The following GALNT13 variants were observed in gnomAD, a reference collection of about 807,000 sequenced individuals.
The protein encoded by GALNT13 is polypeptide N-acetylgalactosaminyltransferase 13, also known as UDP-GalNAc:polypeptide N-acetylgalactosaminyltransferase 13.
GALNT13 carries 28 observed loss-of-function variants against 64.2 expected under a neutral mutation model. The observed-to-expected ratio is 0.44, with a 90% confidence interval of 0.32 to 0.60. The LOEUF is 0.60. Among genes scored for constraint, GALNT13 ranks in the 20% least tolerant of loss-of-function variants. The probability of loss-of-function intolerance (pLI) is 0.05; values close to 1 mark genes in which losing one functional copy is unlikely to be tolerated. For missense variants in GALNT13, 577 were observed against 669.8 expected (o/e 0.86, Z 1.53); for synonymous variants, 214 against 224.6 (o/e 0.95, Z 0.42).
the GALNT13 span, chr2:153,354,327 A>G: frequency 1.5e-4 from 23 of 152,332 alleles, no homozygotes; most frequent in African/African-American, 5.1e-4. Flanking sequence ...TATACTCACT[A>G]TAATGACCTG....
At chr2:154,019,770 A>G (rs2105273016) in intron 3 of GALNT13, among the ~76,000 whole-genome samples, 1 of 152,092 alleles carries the variant, frequency 6.6e-6, no homozygotes, top group African/African-American at 2.4e-5. Flanking sequence ...TTACATATGT[A>G]TACATGTGCC....
the GALNT13 span, among the ~76,000 whole-genome samples, chr2:153,222,927 G>A: frequency 6.6e-6 from 1 of 152,100 alleles, no homozygotes; most frequent in Non-Finnish European, 1.5e-5. Context: ...CTGGGAAACT[G>A]CAGCTGCGCG....
intron 8 of GALNT13, among the ~76,000 whole-genome samples, chr2:154,296,255 A>C (rs1045870235): frequency 1.3e-5 from 2 of 152,142 alleles, no homozygotes; most frequent in East Asian, 1.9e-4. Context: ...AATAAACCCC[A>C]ACCATAGCTT....
the GALNT13 span, among the ~76,000 whole-genome samples, chr2:153,341,436 A>G: frequency 6.6e-6 from 1 of 152,208 alleles, no homozygotes; most frequent in African/African-American, 2.4e-5. Context: ...CCCTGATACA[A>G]TTAGCTCTTT....
At chr2:153,843,827 C>T in the GALNT13 span, among the ~76,000 whole-genome samples, 2 of 152,240 alleles carry the variant, frequency 1.3e-5, no homozygotes, top group East Asian at 3.9e-4. Flanking sequence ...TATGGCTGAC[C>T]CAGCAGGGCA....
intron 3 of GALNT13, among the ~76,000 whole-genome samples, chr2:154,019,683 G>T (rs1347560577): frequency 8.4e-6 from 1 of 118,358 alleles, no homozygotes; most frequent in Non-Finnish European, 1.6e-5. Context: ...ATGTTTAAAT[G>T]ATTTTTTGTT....
chr2:153,391,193 GT>G, the GALNT13 span, among the ~76,000 whole-genome samples: 5 of 152,024 alleles, frequency 3.3e-5, no homozygotes, highest in South Asian at 1.0e-3. Flanking sequence ...TTGTTGGAAG[GT>G]TTTGAGCACA....
At chr2:153,272,820 C>G in the GALNT13 span, among the ~76,000 whole-genome samples, 1 of 152,008 alleles carries the variant, frequency 6.6e-6, no homozygotes, top group East Asian at 1.9e-4. Flanking sequence ...TGCACAGGTA[C>G]GTATATTGCA....
chr2:153,747,648 G>A, the GALNT13 span, among the ~76,000 whole-genome samples: 1 of 151,742 alleles, frequency 6.6e-6, no homozygotes, highest in Non-Finnish European at 1.5e-5. Context: ...GGCTGATCTT[G>A]AACTCCTGAC....
the GALNT13 span, among the ~76,000 whole-genome samples, chr2:153,732,017 T>C: frequency 6.6e-6 from 1 of 152,004 alleles, no homozygotes; most frequent in Admixed American, 6.6e-5. Context: ...TCTTTTTTCA[T>C]TTTAGAAAAA....
intron 11 of GALNT13, among the ~76,000 whole-genome samples, chr2:154,424,218 A>C (rs936680345): frequency 5.3e-5 from 8 of 152,172 alleles, no homozygotes; most frequent in African/African-American, 1.9e-4. Flanking sequence ...TAGAGTTTGA[A>C]AAGTATCACC....
the GALNT13 span, among the ~76,000 whole-genome samples, chr2:153,760,428 A>G: frequency 1.3e-5 from 2 of 151,796 alleles, no homozygotes; most frequent in African/African-American, 2.4e-5. Context: ...AAGTTTTGGT[A>G]TGTTGTGCTT....
intron 4 of GALNT13, among the ~76,000 whole-genome samples, chr2:154,168,064 G>A (rs73005468): frequency 0.054 from 8,252 of 152,224 alleles, 340 homozygotes; most frequent in South Asian, 0.12. Flanking sequence ...GAGTCCAAGT[G>A]GGGTGGGTAT....
intron 8 of GALNT13, among the ~76,000 whole-genome samples, chr2:154,284,546 CACACAT>C (rs1692150547): frequency 6.6e-6 from 1 of 151,906 alleles, no homozygotes; most frequent in African/African-American, 2.4e-5. Flanking sequence ...CACACACACA[CACACAT>C]ATATATGTAT....
the GALNT13 span, among the ~76,000 whole-genome samples, chr2:153,158,322 A>C: frequency 6.6e-6 from 1 of 152,180 alleles, no homozygotes; most frequent in Non-Finnish European, 1.5e-5. Flanking sequence ...CTATGAAGTA[A>C]TATCAGTTTT....
At chr2:153,542,368 A>T in the GALNT13 span, among the ~76,000 whole-genome samples, 2 of 147,710 alleles carry the variant, frequency 1.4e-5, no homozygotes, top group African/African-American at 4.9e-5. Flanking sequence ...ACAAAAAAAA[A>T]ACCGGAAGTA....
the GALNT13 span, among the ~76,000 whole-genome samples, chr2:153,857,218 T>C: frequency 5.9e-5 from 9 of 152,138 alleles, no homozygotes; most frequent in Non-Finnish European, 1.0e-4. Flanking sequence ...ATTGGGAGTA[T>C]TCACCCTGTG....
the GALNT13 span, among the ~76,000 whole-genome samples, chr2:153,227,447 G>A: frequency 6.6e-6 from 1 of 152,128 alleles, no homozygotes; most frequent in Non-Finnish European, 1.5e-5. Flanking sequence ...ATGAGGTAGA[G>A]GAACCAGTAG....
chr2:154,002,000 T>C (rs1410571077), intron 3 of GALNT13, among the ~76,000 whole-genome samples: 2 of 152,100 alleles, frequency 1.3e-5, no homozygotes, highest in African/African-American at 4.8e-5. Flanking sequence ...ATCCCAGTCT[T>C]TCTTGGAAGG....
Sources: gnomAD v4.1 joint callset for allele counts (sites outside exome capture counted in the v4.1 genomes callset) on GRCh38, gnomAD v4.1.1 for gene constraint, MANE v1.5 for transcripts, NCBI Gene and HGNC (gene_info 2026-07-23, HGNC 2026-07-21) for gene names.